Variants in RAPGEF4 observed in about 807,000 individuals in gnomAD.
The protein encoded by RAPGEF4 is Rap guanine nucleotide exchange factor 4.
A neutral mutation model predicts 147.9 loss-of-function variants in RAPGEF4; 66 were observed. The ratio of observed to expected loss-of-function variants is 0.45; its 90% CI spans 0.37 to 0.55. The LOEUF is 0.55. RAPGEF4 is among the 20% of genes least tolerant of loss of function. The pLI, the probability that RAPGEF4 is intolerant of heterozygous loss-of-function variation, is 0.00. For missense variants in RAPGEF4, 1,071 were observed against 1,257.3 expected, an observed-to-expected ratio of 0.85 and a Z score of 2.24; for synonymous variants, 419 against 442.7, an observed-to-expected ratio of 0.95 and a Z score of 0.67.
chr2:172,903,711 T>C (rs1699326725), intron 4 of RAPGEF4, among the ~76,000 whole-genome samples: 1 of 178 alleles, frequency 5.6e-3, no homozygotes, highest in Non-Finnish European at 0.011. Flanking sequence ...GGATACTGTA[T>C]GCCCCCCGGG....
At chr2:172,736,707 G>A (rs991737646) in intron 1 of RAPGEF4, among the ~76,000 whole-genome samples, 5 of 152,232 alleles carry the variant, frequency 3.3e-5, no homozygotes, top group African/African-American at 1.2e-4. Flanking sequence ...TCTCTAAGGA[G>A]GATGTGTGTG....
chr2:172,880,598 A>G (rs1696514963), intron 4 of RAPGEF4, among the ~76,000 whole-genome samples: 1 of 152,244 alleles, frequency 6.6e-6, no homozygotes, highest in African/African-American at 2.4e-5. Context: ...AAATGTATAG[A>G]AGCACGATAA....
At chr2:173,041,141 C>T (rs1160229092) in intron 29 of RAPGEF4, among the ~76,000 whole-genome samples, 2 of 151,980 alleles carry the variant, frequency 1.3e-5, no homozygotes. Context: ...GTTTTGAATC[C>T]TTTTATTTTT....
At chr2:172,875,777 A>T (rs1013950193) in intron 4 of RAPGEF4, among the ~76,000 whole-genome samples, 1 of 152,176 alleles carries the variant, frequency 6.6e-6, no homozygotes, top group Non-Finnish European at 1.5e-5. Flanking sequence ...CAACTCAGTG[A>T]AGAAAGTCAT....
At chr2:173,032,799 A>T (rs1486339035) in intron 26 of RAPGEF4, among the ~76,000 whole-genome samples, 2 of 152,228 alleles carry the variant, frequency 1.3e-5, no homozygotes, top group Non-Finnish European at 2.9e-5. Flanking sequence ...AGGAAAGAGA[A>T]AGAGCCAAGA....
chr2:172,911,603 C>T (rs1176875899), intron 4 of RAPGEF4, among the ~76,000 whole-genome samples: 3 of 151,678 alleles, frequency 2.0e-5, no homozygotes, highest in African/African-American at 4.8e-5. Context: ...GAATTATAGG[C>T]GTGTACCACC....
At chr2:172,923,340 C>A (rs776151803) in intron 6 of RAPGEF4, among the ~76,000 whole-genome samples, 1 of 152,158 alleles carries the variant, frequency 6.6e-6, no homozygotes, top group Non-Finnish European at 1.5e-5. Context: ...GCAATCTCAG[C>A]TCACTGCAAC....
At chr2:172,797,481 C>T (rs142261682) in intron 2 of RAPGEF4, 44 bp from the exon 3 acceptor site, 4 of 1,520,080 alleles carry the variant, frequency 2.6e-6, no homozygotes, top group Non-Finnish European at 3.6e-6. Flanking sequence ...ATAGTAAAAC[C>T]AAGTTGTATC....
chr2:172,972,184 G>A (rs1234995865), intron 10 of RAPGEF4, among the ~76,000 whole-genome samples: 1 of 152,208 alleles, frequency 6.6e-6, no homozygotes, highest in East Asian at 1.9e-4. Flanking sequence ...GCTGCTGTTC[G>A]ATTCCACACA....
intron 3 of RAPGEF4, among the ~76,000 whole-genome samples, chr2:172,811,923 C>T (rs72908138): frequency 0.13 from 20,396 of 152,226 alleles, 1,495 homozygotes; most frequent in South Asian, 0.2. Flanking sequence ...AGGGCTAGCA[C>T]CCATAGACTG....
intron 16 of RAPGEF4, among the ~76,000 whole-genome samples, chr2:172,999,071 T>C (rs1412453513): frequency 6.6e-6 from 1 of 152,206 alleles, no homozygotes; most frequent in Non-Finnish European, 1.5e-5. Flanking sequence ...CCATGGGCAG[T>C]GTGCCAAGAG....
At chr2:173,045,107 G>A (rs984490325) in intron 29 of RAPGEF4, among the ~76,000 whole-genome samples, 5 of 152,176 alleles carry the variant, frequency 3.3e-5, no homozygotes, top group Admixed American at 6.5e-5. Flanking sequence ...ATAAACAGCT[G>A]TCTACCGTCA....
chr2:172,947,896 C>T (rs1308101550), intron 6 of RAPGEF4, among the ~76,000 whole-genome samples: 1 of 152,118 alleles, frequency 6.6e-6, no homozygotes, highest in African/African-American at 2.4e-5. Flanking sequence ...GTCATATAAA[C>T]AGCATTTAGA....
In RAPGEF4 at chr2:172,871,625, C is replaced by CTT. The variant is rs57511364; in HGVS notation, c.445-46162_445-46161dup. Among the ~76,000 whole-genome samples the CTT allele has an allele frequency of 4.5e-3, 602 of 132,328 alleles. 3 individuals carry two copies. The highest frequency in any genetic ancestry group is 0.015 in the African/African-American group (549 of 36,194). 86.8% of individuals were successfully genotyped at this position (132,328 alleles called of 152,430 possible). A position where few individuals can be genotyped will look rare whatever the true frequency, so the allele number is the denominator to read the frequency against. The stretch of plus-strand genomic sequence containing the variant: ...ATCTATTTTGACCCAAAAAAGCAGA[C>CTT]TTTTTTTTTTTTTTTTGCACTGAAG... On this transcript the variant is annotated intron_variant, in intron 4 of 30. Transcript: ENST00000397081.
chr2:172,881,075 A>G (rs1696564350), intron 4 of RAPGEF4, among the ~76,000 whole-genome samples: 1 of 152,198 alleles, frequency 6.6e-6, no homozygotes, highest in South Asian at 2.1e-4. Flanking sequence ...CATAAGCAGT[A>G]ATTATTGTCC....
Position 172,965,668 on chromosome 2 carries a change from G to A in RAPGEF4, c.805G>A (p.Gly269Ser). Residue 269 changes from glycine to serine, a missense_variant, in exon 9 of 31, where the codon GGT (glycine) becomes AGT (serine). By Grantham distance (56) the Gly-to-Ser change is moderately conservative. Transcript: ENST00000397081. ...CATGTGGCAAGTCCTGTTAGAAGAT[G>A]GTGTTCTCAACCACGGTAAGATGAG... ...VGMWQVLLEDGVLNHVDQEHH... is the reference protein window; with the variant it reads ...VGMWQVLLEDSVLNHVDQEHH... The A allele has an allele frequency of 1.2e-6, 2 of 1,614,108 alleles. No homozygotes were observed. The highest frequency in any genetic ancestry group is 1.7e-6 in the Non-Finnish European group (2 of 1,180,018).
chr2:173,025,545 C>T (rs1161897327), intron 23 of RAPGEF4, among the ~76,000 whole-genome samples: 4 of 152,146 alleles, frequency 2.6e-5, no homozygotes, highest in African/African-American at 7.2e-5. Context: ...TGGGTTTAAG[C>T]GATTCTCCTG....
intron 29 of RAPGEF4, among the ~76,000 whole-genome samples, chr2:173,047,624 A>T (rs1685644292): frequency 6.6e-6 from 1 of 152,080 alleles, no homozygotes; most frequent in African/African-American, 2.4e-5. Context: ...CTGTGAAGTA[A>T]TATTCTAAGT....
At chr2:172,765,283 G>T (rs1696719480) in intron 1 of RAPGEF4, among the ~76,000 whole-genome samples, 1 of 152,178 alleles carries the variant, frequency 6.6e-6, no homozygotes, top group African/African-American at 2.4e-5. Flanking sequence ...CATCTGCAAA[G>T]ACCCTCTTTC....
Sources: allele counts gnomAD v4.1 joint callset (sites outside exome capture counted in the v4.1 genomes callset), GRCh38; gene constraint gnomAD v4.1.1; transcripts MANE v1.5; gene names NCBI Gene and HGNC (gene_info 2026-07-23, HGNC 2026-07-21).